Variants in INPP4B observed in about 807,000 individuals in gnomAD.
INPP4B encodes inositol polyphosphate-4-phosphatase type II B.
In INPP4B, 55 loss-of-function variants were observed where a neutral mutation model predicts 122.5. The observed-to-expected ratio is 0.45, with a 90% CI of 0.36 to 0.56. INPP4B has a LOEUF of 0.56. Ranked by LOEUF, INPP4B falls within the 20% of genes least tolerant of loss-of-function variation. The pLI is 0.00. For synonymous variants in INPP4B, 403 were observed against 388.7 expected (o/e 1.04, Z -0.43); for missense variants, 1,000 against 1,097.7 (o/e 0.91, Z 1.26).
intron 2 of INPP4B, among the ~76,000 whole-genome samples, chr4:142,582,195 C>CAAAA (rs397717604): frequency 7.1e-6 from 1 of 140,902 alleles, no homozygotes; most frequent in African/African-American, 2.8e-5. Context: ...CTAATGGATA[C>CAAAA]AAAAAAAAAA....
intron 2 of INPP4B, among the ~76,000 whole-genome samples, chr4:142,570,368 T>G (rs1229148744): frequency 6.6e-6 from 1 of 152,062 alleles, no homozygotes; most frequent in Non-Finnish European, 1.5e-5. Flanking sequence ...AATAAAAAAA[T>G]TAAGTAATAT....
intron 2 of INPP4B, among the ~76,000 whole-genome samples, chr4:142,618,955 C>G (rs1296071938): frequency 6.6e-6 from 1 of 151,666 alleles, no homozygotes; most frequent in Non-Finnish European, 1.5e-5. Flanking sequence ...CTCCAAAGAC[C>G]ACATATGAAA....
At chr4:142,066,668 A>G (rs775882511) in intron 25 of INPP4B, among the ~76,000 whole-genome samples, 2 of 152,208 alleles carry the variant, frequency 1.3e-5, no homozygotes, top group Non-Finnish European at 2.9e-5. Context: ...GCACACCAGG[A>G]GATTATATCC....
chr4:142,815,163 T>C (rs1779970341), intron 1 of INPP4B, among the ~76,000 whole-genome samples: 1 of 152,152 alleles, frequency 6.6e-6, no homozygotes, highest in Non-Finnish European at 1.5e-5. Context: ...ACAAGATGCC[T>C]GGACTGGTAT....
chr4:142,832,765 C>A (rs1238397942), intron 1 of INPP4B, among the ~76,000 whole-genome samples: 3 of 151,886 alleles, frequency 2.0e-5, no homozygotes, highest in Non-Finnish European at 4.4e-5. Context: ...TACTCCCCCC[C>A]CGCATTGTCT....
intron 2 of INPP4B, among the ~76,000 whole-genome samples, chr4:142,538,731 T>C (rs997007999): frequency 1.3e-5 from 2 of 152,234 alleles, no homozygotes; most frequent in South Asian, 2.1e-4. Flanking sequence ...GGTATTTACA[T>C]GTTCATATTG....
chr4:142,520,927 T>C (rs941677032), intron 2 of INPP4B, among the ~76,000 whole-genome samples: 1 of 151,984 alleles, frequency 6.6e-6, no homozygotes. Flanking sequence ...GATCTTTGTG[T>C]TCCTTAGATT....
At chr4:142,115,876 A>C (rs1474877816) in intron 21 of INPP4B, among the ~76,000 whole-genome samples, 1 of 152,166 alleles carries the variant, frequency 6.6e-6, no homozygotes, top group Non-Finnish European at 1.5e-5. Context: ...CAAATTGGAT[A>C]AAAAGTCAAG....
intron 2 of INPP4B, among the ~76,000 whole-genome samples, chr4:142,490,255 T>TTA (rs1014155038): frequency 7.2e-5 from 11 of 151,892 alleles, no homozygotes; most frequent in African/African-American, 2.2e-4. Context: ...AAGCTAATTT[T>TTA]TATATATATA....
At chr4:142,122,747 A>G (rs1044461705) in intron 20 of INPP4B, among the ~76,000 whole-genome samples, 1 of 152,148 alleles carries the variant, frequency 6.6e-6, no homozygotes, top group African/African-American at 2.4e-5. Context: ...CATTTTTTAA[A>G]AGAGTGAAAT....
At chr4:142,670,482 T>C (rs906033445) in intron 2 of INPP4B, among the ~76,000 whole-genome samples, 1 of 151,892 alleles carries the variant, frequency 6.6e-6, no homozygotes, top group Admixed American at 6.6e-5. Context: ...AAGAAGGAAG[T>C]CCTGTCATTT....
chr4:142,230,573 G>T (rs1318350986), intron 12 of INPP4B, among the ~76,000 whole-genome samples: 2 of 144,860 alleles, frequency 1.4e-5, no homozygotes, highest in African/African-American at 5.1e-5. Flanking sequence ...GAACCCAGGA[G>T]GCGAGGTTTT....
At chr4:142,582,258 A>T (rs772821772) in intron 2 of INPP4B, among the ~76,000 whole-genome samples, 1 of 152,116 alleles carries the variant, frequency 6.6e-6, no homozygotes, top group African/African-American at 2.4e-5. Context: ...TTACTAAAGT[A>T]TAAATTAGTT....
intron 2 of INPP4B, among the ~76,000 whole-genome samples, chr4:142,501,992 C>T (rs561844442): frequency 1.3e-5 from 2 of 152,162 alleles, no homozygotes; most frequent in South Asian, 4.1e-4. Flanking sequence ...GTTCCAGGCA[C>T]CTAGCTAGCT....
intron 2 of INPP4B, among the ~76,000 whole-genome samples, chr4:142,569,563 A>G (rs530780179): frequency 6.6e-6 from 1 of 152,296 alleles, no homozygotes; most frequent in South Asian, 2.1e-4. Context: ...GGCAGTCTCT[A>G]ACGGGATCTC....
At chr4:142,229,056 AGT>A (rs1297094909) in intron 12 of INPP4B, among the ~76,000 whole-genome samples, 11 of 151,806 alleles carry the variant, frequency 7.2e-5, no homozygotes, top group Non-Finnish European at 1.5e-4. Context: ...ACTTTGTCTC[AGT>A]AATTTCACTT....
chr4:142,626,762 T>A (rs976551173), intron 2 of INPP4B, among the ~76,000 whole-genome samples: 11 of 152,174 alleles, frequency 7.2e-5, no homozygotes, highest in African/African-American at 2.6e-4. Context: ...GTCTTTCTAC[T>A]TGAAAAATCC....
intron 7 of INPP4B, among the ~76,000 whole-genome samples, chr4:142,330,651 A>G (rs1774128135): frequency 6.6e-6 from 1 of 152,226 alleles, no homozygotes; most frequent in African/African-American, 2.4e-5. Context: ...AAGCCATTCA[A>G]AAGATTTTAA....
At chr4:142,718,647 G>A (rs1449180572) in intron 2 of INPP4B, among the ~76,000 whole-genome samples, 1 of 152,204 alleles carries the variant, frequency 6.6e-6, no homozygotes, top group Non-Finnish European at 1.5e-5. Flanking sequence ...ATTCATGAAT[G>A]AAAGGTACAG....
Sources: gnomAD v4.1 joint callset for allele counts (sites outside exome capture counted in the v4.1 genomes callset) on GRCh38, gnomAD v4.1.1 for gene constraint, MANE v1.5 for transcripts, NCBI Gene and HGNC (gene_info 2026-07-23, HGNC 2026-07-21) for gene names.